Variants in NHSL2 observed in about 807,000 individuals in gnomAD.
The protein encoded by NHSL2 is NHS like 2, also known as NHS-like protein 2.
In NHSL2, 27 loss-of-function variants were observed where a neutral mutation model predicts 53.4. That is an observed-to-expected ratio of 0.51 (90% CI 0.37 to 0.70). The LOEUF is 0.70. Among genes scored for constraint, NHSL2 ranks in the 30% least tolerant of loss-of-function variants. NHSL2 has a pLI of 0.00. For missense variants in NHSL2, 892 were observed against 980.1 expected (o/e 0.91, Z 1.20); for synonymous variants, 408 against 404.1 (o/e 1.01, Z -0.12).
chrX:71,976,748 A>G (rs1484942068), intron 1 of NHSL2, among the ~76,000 whole-genome samples: 1 of 112,465 alleles, frequency 8.9e-6, no homozygotes, highest in African/African-American at 3.2e-5. Context: ...TTGACTCCAG[A>G]TCTGTCTGAC....
chrX:72,014,312 C>A (rs2042127325), intron 1 of NHSL2, among the ~76,000 whole-genome samples: 1 of 109,925 alleles, frequency 9.1e-6, no homozygotes, highest in South Asian at 3.8e-4. Flanking sequence ...TTATTATTTT[C>A]TTCCTTCTGT....
intron 1 of NHSL2, among the ~76,000 whole-genome samples, chrX:72,070,843 G>A (rs187074692): frequency 3.4e-4 from 38 of 111,025 alleles, no homozygotes; most frequent in Non-Finnish European, 6.2e-4. Context: ...TTCACCATTC[G>A]GGCCTGTGAG....
rs1386981667 is a variant in NHSL2 at position 72,026,647 on chromosome X, G to A, written c.281-105432G>A. ...AAATGGGAAATATGGAGGTGAGGGC[G>A]AGATAAGGTTGTAAGGATGTACTCA... On this transcript the variant is annotated intron_variant, in intron 1 of 7. Transcript: ENST00000633930. Among the ~76,000 whole-genome samples, 4 of 112,633 alleles carry A rather than the reference G, an allele frequency of 3.6e-5. No individual in the cohort carries two copies. The South Asian group carries it at 1.5e-3, about 41-fold the overall frequency.
chrX:72,128,831 C>T, intron 1 of NHSL2: 1 of 113,401 alleles, frequency 8.8e-6, no homozygotes, highest in Admixed American at 9.2e-5. Flanking sequence ...AGACCTTTGA[C>T]TGGGGGCTGC....
At chrX:71,920,791 G>T (rs1256855661) in intron 1 of NHSL2, among the ~76,000 whole-genome samples, 1 of 107,220 alleles carries the variant, frequency 9.3e-6, no homozygotes, top group Admixed American at 9.9e-5. Flanking sequence ...TGCGAGGTTA[G>T]GTTACATATA....
intron 1 of NHSL2, among the ~76,000 whole-genome samples, chrX:72,122,961 T>C (rs984198968): frequency 8.9e-6 from 1 of 112,700 alleles, no homozygotes; most frequent in Admixed American, 9.3e-5. Context: ...AAATTCACTT[T>C]GGAGTCATGG....
intron 1 of NHSL2, chrX:72,044,596 G>A (rs1243682812): frequency 4.0e-5 from 44 of 1,092,677 alleles, no homozygotes; most frequent in Non-Finnish European, 1.0e-5. Flanking sequence ...CCGCGGCCAC[G>A]TGCAGCCTAT....
chrX:72,004,534 G>T (rs11798978), intron 1 of NHSL2, among the ~76,000 whole-genome samples: 2,360 of 112,110 alleles, frequency 0.021, 29 homozygotes, highest in Non-Finnish European at 0.037. Flanking sequence ...AGGAAAAGCA[G>T]TGAGGAGTGC....
intron 1 of NHSL2, among the ~76,000 whole-genome samples, chrX:72,030,496 ATGTG>A (rs58930948): frequency 1.8e-5 from 2 of 109,840 alleles, no homozygotes; most frequent in African/African-American, 6.7e-5. Flanking sequence ...GTATATGTAT[ATGTG>A]TGTGTGTGTG....
At chrX:71,984,645 C>T (rs945893878) in intron 1 of NHSL2, among the ~76,000 whole-genome samples, 15 of 111,700 alleles carry the variant, frequency 1.3e-4, no homozygotes, top group African/African-American at 4.9e-4. Flanking sequence ...ACAGGTATAC[C>T]ACAATTCTTG....
Position 71,978,761 on chromosome X carries a change from T to A in NHSL2, c.280+67394T>A, listed in dbSNP as rs1162061680. Among the ~76,000 whole-genome samples, 10 of 108,919 alleles carry A rather than the reference T, an allele frequency of 9.2e-5. No homozygotes were observed. In the South Asian group the frequency reaches 4.1e-3, roughly 45 times the overall value. 94.6% of individuals were successfully genotyped at this position (108,919 alleles called of 115,157 possible). On this transcript the variant is annotated intron_variant, in intron 1 of 7. Coordinates refer to ENST00000633930, the MANE Select transcript of NHSL2 (RefSeq NM_001013627.3). ...TACTACAGAAACTTGTCAAGGTTTT[T>A]TTTTTTTTTTTTAATTATACTGTAA...
intron 1 of NHSL2, among the ~76,000 whole-genome samples, chrX:71,996,387 A>T (rs2042050427): frequency 8.9e-6 from 1 of 112,854 alleles, no homozygotes; most frequent in African/African-American, 3.2e-5. Context: ...TGCTCCCTGC[A>T]GTATGCCTCA....
Position 72,140,380 on chromosome X carries a change from C to T in NHSL2, c.2832C>T (p.Pro944=). The T allele has an allele frequency of 8.3e-7, 1 of 1,211,111 alleles. No individual in the cohort carries two copies. The highest frequency in any genetic ancestry group is 1.8e-5 in the South Asian group (1 of 56,816). ...DGRSPGESTA[P]SSLVFTPFAS... ...GAAGCCCAGGGGAGTCAACAGCACC[C>T]TCATCTCTTGTTTTCACGCCTTTTG... The change falls in exon 6 of 8, where the codon CCC becomes CCT. Residue 944 remains proline (P), a synonymous_variant. Transcript: ENST00000633930.
intron 5 of NHSL2, among the ~76,000 whole-genome samples, 172 bp downstream of exon 5, chrX:72,137,397 G>A (rs1423767123): frequency 8.9e-6 from 1 of 112,609 alleles, no homozygotes; most frequent in Non-Finnish European, 1.9e-5. Flanking sequence ...AGGGCCTCTT[G>A]TCAAGGGTGG....
intron 1 of NHSL2, among the ~76,000 whole-genome samples, chrX:72,091,567 C>T (rs941201205): frequency 4.5e-5 from 5 of 112,146 alleles, no homozygotes; most frequent in African/African-American, 1.3e-4. Context: ...ATCCTCTCTC[C>T]GCATCACAGC....
chrX:72,100,105 C>T (rs1317208796), intron 1 of NHSL2, among the ~76,000 whole-genome samples: 4 of 111,797 alleles, frequency 3.6e-5, no homozygotes, highest in Non-Finnish European at 5.6e-5. Flanking sequence ...TTGTGGACTC[C>T]AATAAATTCA....
intron 1 of NHSL2, among the ~76,000 whole-genome samples, chrX:72,041,000 C>T (rs958208318): frequency 8.0e-5 from 9 of 111,971 alleles, no homozygotes; most frequent in African/African-American, 2.6e-4. Flanking sequence ...GATGACAGAG[C>T]GTTGGGCTAG....
At chrX:71,919,914 C>A (rs939461976) in intron 1 of NHSL2, among the ~76,000 whole-genome samples, 5 of 112,889 alleles carry the variant, frequency 4.4e-5, no homozygotes, top group African/African-American at 1.6e-4. Context: ...CCAAGTGTCT[C>A]ACTGGCTCTC....
intron 1 of NHSL2, among the ~76,000 whole-genome samples, chrX:72,076,080 T>C (rs770693628): frequency 9.0e-6 from 1 of 111,008 alleles, no homozygotes; most frequent in South Asian, 3.9e-4. Context: ...ATTACAGGCA[T>C]ATGCCACCAC....
Sources: allele counts gnomAD v4.1 joint callset (sites outside exome capture counted in the v4.1 genomes callset), GRCh38; gene constraint gnomAD v4.1.1; transcripts MANE v1.5; gene names NCBI Gene and HGNC (gene_info 2026-07-23, HGNC 2026-07-21).